The following ZFX variants were observed in gnomAD, a reference collection of about 807,000 sequenced individuals.
The protein encoded by ZFX is zinc finger protein X-linked.
For missense variants in ZFX, 362 were observed against 628.3 expected (o/e 0.58, Z 4.53); for synonymous variants, 196 against 226.8 (o/e 0.86, Z 1.22).
chrX:24,173,538 T>A, intron 4 of ZFX: 1 of 1,097,670 alleles, frequency 9.1e-7, no homozygotes, highest in Non-Finnish European at 1.2e-6. Context: ...TATTTCAGAT[T>A]ACCCATGGTT....
chrX:24,208,327 T>C lies in ZFX; in HGVS notation c.1050T>C (p.Asn350=), dbSNP rs765559608. ...TGCACGAGCAGCAAATGGATGACAATGAAATCAAAACCTTCATGCCGATTG... is the reference window on the plus strand; with the variant it reads ...TGCACGAGCAGCAAATGGATGACAACGAAATCAAAACCTTCATGCCGATTG... The part of the protein sequence containing the change: ...AAVHEQQMDD[N]EIKTFMPIAW... The change falls in exon 8 of 10, where the codon AAT becomes AAC. Residue 350 remains asparagine (N), a synonymous_variant. Coordinates refer to ENST00000304543, the MANE Select transcript of ZFX (RefSeq NM_003410.4). The C allele has an allele frequency of 6.4e-5, 78 of 1,209,575 alleles. No homozygotes were observed. The highest frequency in any genetic ancestry group is 8.4e-5 in the Non-Finnish European group (75 of 895,039).
intron 3 of ZFX, among the ~76,000 whole-genome samples, chrX:24,163,974 G>GT (rs747893896): frequency 1.6e-3 from 149 of 94,551 alleles, no homozygotes; most frequent in Middle Eastern, 5.7e-3. Context: ...CTTTTTTTCT[G>GT]TTTTTTTTTT....
Position 24,179,393 on chromosome X carries a change from C to T in ZFX, c.269C>T (p.Thr90Met), listed in dbSNP as rs1935468690. The stretch of plus-strand genomic sequence containing the variant: ...ATGGAAGAAGCAGATGTGTCTGAAA[C>T]GGTCATCATTCCTGAGCAAGTGCTG... ...DIMEEADVSE[T>M]VIIPEQVLDS... The change falls in exon 5 of 10, where the codon ACG becomes ATG. Residue 90 changes from threonine to methionine, a missense_variant. Coordinates refer to ENST00000304543, the MANE Select transcript of ZFX (RefSeq NM_003410.4). The T allele has an allele frequency of 4.1e-6, 5 of 1,212,047 alleles. No homozygotes were observed. Among genetic ancestry groups the T allele is most frequent in the South Asian group, 1.8e-5 (1 of 57,039 alleles).
chrX:24,203,783 T>G (rs1312103087), intron 5 of ZFX, among the ~76,000 whole-genome samples: 1 of 111,949 alleles, frequency 8.9e-6, no homozygotes, highest in Non-Finnish European at 1.9e-5. Context: ...CTCTTTCTCT[T>G]CACCTGAGTG....
chrX:24,149,141 T>A (rs1449811274), upstream of ZFX: 2 of 109,555 alleles, frequency 1.8e-5, no homozygotes, highest in Non-Finnish European at 1.9e-5. Context: ...GTTGCTAAAT[T>A]TATCTTCCTC....
chrX:24,198,646 G>C (rs1471711414), intron 5 of ZFX, among the ~76,000 whole-genome samples: 1 of 111,272 alleles, frequency 9.0e-6, no homozygotes, highest in African/African-American at 3.3e-5. Context: ...CAAAACACAG[G>C]GAAGTTTCTT....
intron 5 of ZFX, among the ~76,000 whole-genome samples, chrX:24,197,843 T>C (rs1241991971): frequency 1.8e-5 from 2 of 112,143 alleles, no homozygotes; most frequent in Non-Finnish European, 3.8e-5. Context: ...CTAAGAGTTT[T>C]GTACTCAGCC....
At chrX:24,173,980 G>A in intron 4 of ZFX, among the ~76,000 whole-genome samples, 1 of 110,605 alleles carries the variant, frequency 9.0e-6, no homozygotes, top group East Asian at 2.9e-4. Flanking sequence ...GGAGGCTGAG[G>A]TGGGTGGATC....
At chrX:24,170,177 A>G (rs1934434964) in intron 3 of ZFX, among the ~76,000 whole-genome samples, 1 of 99,212 alleles carries the variant, frequency 1.0e-5, no homozygotes, top group Non-Finnish European at 2.0e-5. Context: ...TTTTTTTGAG[A>G]CAGAGTCTCG....
intron 3 of ZFX, among the ~76,000 whole-genome samples, chrX:24,162,643 G>A (rs1273376348): frequency 9.0e-6 from 1 of 111,708 alleles, no homozygotes; most frequent in African/African-American, 3.3e-5. Flanking sequence ...CAAAACACAT[G>A]TTCTGACATG....
At chrX:24,151,481 A>C (rs371875076) in intron 1 of ZFX, 1 of 111,605 alleles carries the variant, frequency 9.0e-6, no homozygotes, top group Admixed American at 9.5e-5. Context: ...TTCAGTAAAC[A>C]GTAAGTATTT....
At chrX:24,157,109 C>G (rs976539318) in intron 3 of ZFX, among the ~76,000 whole-genome samples, 26 of 112,188 alleles carry the variant, frequency 2.3e-4, no homozygotes, top group Non-Finnish European at 4.5e-4. Flanking sequence ...AGAATAAATA[C>G]ATAGATTCAT....
At position 24,203,635 on chromosome X, in the gene ZFX, A is replaced by G. The variant is rs777977729; in HGVS notation, c.647-3691A>G. On this transcript the variant is annotated intron_variant, in intron 5 of 9. Transcript: ENST00000304543. ...CTTCTGCCTGTGCATGAGGCCCTTCATGACCTGGCTTCAGCTTAGCAGTCG... is the reference window on the plus strand; with the variant it reads ...CTTCTGCCTGTGCATGAGGCCCTTCGTGACCTGGCTTCAGCTTAGCAGTCG... 1.5e-4 allele frequency among the ~76,000 whole-genome samples: 17 copies of G among 112,473 alleles called. No homozygotes were observed. In the Middle Eastern group the frequency reaches 0.018, roughly 122 times the overall value.
At position 24,149,744 on chromosome X, in the gene ZFX, GGCCGGCCTGCAGCACCCGCCACCGTC is replaced by G. The variant is rs1244706376; in HGVS notation, c.-292_-267del. The G allele has an allele frequency of 3.6e-5, 4 of 110,576 alleles. No individual in the cohort carries two copies. The highest frequency in any genetic ancestry group is 5.7e-5 in the Non-Finnish European group (3 of 52,218). The allele number at this position is 110,576 out of a possible 1,213,427, so 9.1% of individuals were successfully genotyped here. A position where few individuals can be genotyped will look rare whatever the true frequency, so the allele number is the denominator to read the frequency against. ...AGCCCGGCCCAGTGCTCCAGAGAAA[GGCCGGCCTGCAGCACCCGCCACCGTC>G]GCCGGCCGCCCGCACGTCCGTCCGG... On this transcript the variant is annotated 5_prime_UTR_variant, in exon 1 of 10. Transcript: ENST00000304543.
At chrX:24,195,341 C>T (rs759655318) in intron 5 of ZFX, among the ~76,000 whole-genome samples, 1 of 104,857 alleles carries the variant, frequency 9.5e-6, no homozygotes, top group South Asian at 4.9e-4. Context: ...TTACAGGTGC[C>T]TGCCACCGTG....
intron 5 of ZFX, among the ~76,000 whole-genome samples, chrX:24,206,854 A>G (rs939192916): frequency 5.0e-4 from 55 of 110,899 alleles, no homozygotes; most frequent in Non-Finnish European, 7.5e-5. Context: ...TTCTGTTTTT[A>G]GAAGTCTTTA....
At chrX:24,189,566 C>T (rs1473199116) in intron 5 of ZFX, among the ~76,000 whole-genome samples, 1 of 112,322 alleles carries the variant, frequency 8.9e-6, no homozygotes, top group Non-Finnish European at 1.9e-5. Flanking sequence ...TGAGGGTCAA[C>T]ACAATCTGAT....
rs1284217238 is a variant in ZFX at position 24,149,771 on chromosome X, G to T, written c.-273G>T. On this transcript the variant is annotated 5_prime_UTR_variant, in exon 1 of 10. Coordinates refer to ENST00000304543, the MANE Select transcript of ZFX (RefSeq NM_003410.4). ...CCGGCCTGCAGCACCCGCCACCGTC[G>T]CCGGCCGCCCGCACGTCCGTCCGGT... 9.1e-6 allele frequency: 1 copy of T among 110,427 alleles called. No homozygotes were observed. The highest frequency in any genetic ancestry group is 1.9e-5 in the Non-Finnish European group (1 of 52,182). The allele number at this position is 110,427 out of a possible 1,213,427, so 9.1% of individuals were successfully genotyped here. A position where few individuals can be genotyped will look rare whatever the true frequency, so the allele number is the denominator to read the frequency against.
chrX:24,187,074 C>T (rs1411496963), intron 5 of ZFX, among the ~76,000 whole-genome samples: 1 of 111,461 alleles, frequency 9.0e-6, no homozygotes, highest in African/African-American at 3.3e-5. Context: ...ATCTATGTGC[C>T]GGAATTGAAA....
Sources: allele counts gnomAD v4.1 joint callset (sites outside exome capture counted in the v4.1 genomes callset), GRCh38; gene constraint gnomAD v4.1.1; transcripts MANE v1.5; gene names NCBI Gene and HGNC (gene_info 2026-07-23, HGNC 2026-07-21).